Variants in CCT7 observed in about 807,000 individuals in gnomAD.
CCT7 encodes chaperonin containing TCP1 subunit 7, also known as T-complex protein 1 subunit eta.
CCT7 carries 16 observed loss-of-function variants against 56.6 expected under a neutral mutation model. The observed-to-expected ratio is 0.28, with a 90% CI of 0.19 to 0.43. The LOEUF is 0.43. Ranked by LOEUF, CCT7 falls within the 20% of genes least tolerant of loss-of-function variation. The probability of loss-of-function intolerance (pLI) is 1.00; values close to 1 mark genes in which losing one functional copy is unlikely to be tolerated. For synonymous variants in CCT7, 262 were observed against 254.8 expected (o/e 1.03, Z -0.27); for missense variants, 519 against 685.6 (o/e 0.76, Z 2.71).
intron 11 of CCT7, among the ~76,000 whole-genome samples, chr2:73,251,868 G>T (rs569638240): frequency 6.6e-6 from 1 of 152,134 alleles, no homozygotes; most frequent in Admixed American, 6.5e-5. Flanking sequence ...GAACCCAGGA[G>T]GCAGAGCTTG....
intron 2 of CCT7, chr2:73,240,220 A>G (rs1687047963): frequency 5.1e-6 from 2 of 388,410 alleles, no homozygotes; most frequent in South Asian, 1.4e-4. Flanking sequence ...TTGCTCTTCA[A>G]GGAAAATTGG....
intron 7 of CCT7, among the ~76,000 whole-genome samples, chr2:73,248,331 G>A (rs766615094): frequency 6.6e-6 from 1 of 151,168 alleles, no homozygotes; most frequent in Non-Finnish European, 1.5e-5. Context: ...CCACCTTTGA[G>A]CAGTTCTTGG....
chr2:73,252,810 G>A lies in CCT7; in HGVS notation c.1581G>A (p.Val527=), dbSNP rs1558572395. Residue 527 remains valine, a synonymous_variant, in exon 12 of 12, where the codon GTG becomes GTA. Coordinates refer to ENST00000258091, the MANE Select transcript of CCT7 (RefSeq NM_006429.4). ...CCATCAAGAACCCCCGCTCGACTGTGGATGCTCCCACAGCAGCAGGCCGGG... is the reference window on the plus strand; with the variant it reads ...CCATCAAGAACCCCCGCTCGACTGTAGATGCTCCCACAGCAGCAGGCCGGG... ...DETIKNPRST[V]DAPTAAGRGR... 1.2e-6 allele frequency: 2 copies of A among 1,614,106 alleles called. No individual in the cohort carries two copies. Among genetic ancestry groups the A allele is most frequent in the Non-Finnish European group, 1.7e-6 (2 of 1,180,002 alleles).
At chr2:73,242,342 C>T (rs1435787950) in intron 3 of CCT7, among the ~76,000 whole-genome samples, 8 of 151,926 alleles carry the variant, frequency 5.3e-5, no homozygotes, top group Non-Finnish European at 8.8e-5. Flanking sequence ...TGCTGTGGTG[C>T]GATCTTGGCT....
intron 4 of CCT7, chr2:73,243,783 T>C (rs1460542747): frequency 1.7e-6 from 1 of 584,554 alleles, no homozygotes; most frequent in South Asian, 2.1e-5. Context: ...TTCAGAACTG[T>C]ATACCCACTC....
chr2:73,250,490 T>A (rs1469376204), intron 10 of CCT7, 52 bp downstream of exon 10: 1 of 1,600,458 alleles, frequency 6.2e-7, no homozygotes, highest in South Asian at 1.1e-5. Context: ...CCTATCTCCC[T>A]AGCTGATCAG....
At chr2:73,235,540 A>C (rs1231344636) in intron 1 of CCT7, 1 of 1,001,712 alleles carries the variant, frequency 1.0e-6, no homozygotes, top group East Asian at 1.1e-4. Context: ...TCTCCCCTTT[A>C]TGTCTCTAGC....
intron 1 of CCT7, among the ~76,000 whole-genome samples, chr2:73,237,897 T>A (rs926101573): frequency 6.6e-6 from 1 of 152,016 alleles, no homozygotes; most frequent in African/African-American, 2.4e-5. Context: ...AATACAAATT[T>A]AAAAAATTAG....
intron 6 of CCT7, among the ~76,000 whole-genome samples, chr2:73,247,281 G>A (rs1419299619): frequency 6.6e-6 from 1 of 152,172 alleles, no homozygotes; most frequent in Non-Finnish European, 1.5e-5. Context: ...GGGTGTGGGG[G>A]TGGAGGGTGC....
At chr2:73,240,244 G>T in intron 2 of CCT7, 193 bp from the exon 3 acceptor site, 1 of 410,476 alleles carries the variant, frequency 2.4e-6, no homozygotes, top group Non-Finnish European at 4.3e-6. Flanking sequence ...TCTGTGGTCT[G>T]CAAAAGCTTG....
intron 11 of CCT7, among the ~76,000 whole-genome samples, chr2:73,251,798 G>T (rs1687599017): frequency 6.6e-6 from 1 of 152,174 alleles, no homozygotes; most frequent in African/African-American, 2.4e-5. Flanking sequence ...AATTAGCCAG[G>T]CGTGGTGGTG....
intron 10 of CCT7, among the ~76,000 whole-genome samples, chr2:73,250,712 G>C (rs1226649137): frequency 6.6e-6 from 1 of 151,988 alleles, no homozygotes. Flanking sequence ...CGAGATGGGA[G>C]GGTTGCATAA....
Position 73,248,999 on chromosome 2 carries a change from G to A in CCT7, c.792G>A (p.Gln264=). ...EIRVHTVEDY[Q]AIVDAEWNIL... ...TTTCTGGGTCTCTCCAGGATTATCA[G>A]GCAATTGTTGATGCTGAGTGGAACA... The change falls in exon 8 of 12, where the codon CAG becomes CAA. Residue 264 remains glutamine, a synonymous_variant. Coordinates refer to ENST00000258091, the MANE Select transcript of CCT7 (RefSeq NM_006429.4). 6.2e-7 allele frequency: 1 copy of A among 1,612,394 alleles called. No individual in the cohort carries two copies.
At chr2:73,243,224 G>A (rs1030294190) in intron 4 of CCT7, 95 bp downstream of exon 4, 2 of 1,420,272 alleles carry the variant, frequency 1.4e-6, no homozygotes, top group African/African-American at 1.4e-5. Context: ...GAGGGACTGG[G>A]GAACAGGGTA....
chr2:73,242,529 C>T (rs1228168401), intron 3 of CCT7, among the ~76,000 whole-genome samples: 2 of 152,188 alleles, frequency 1.3e-5, no homozygotes, highest in Non-Finnish European at 2.9e-5. Context: ...ATCCACCTGC[C>T]TCAGCCTCCC....
In CCT7 at chr2:73,252,640, G is replaced by T. The variant is rs371504283; in HGVS notation, c.1411G>T (p.Gly471Trp). Residue 471 changes from glycine (G) to tryptophan (W), a missense_variant and splice_region_variant, in exon 12 of 12, where the codon GGG becomes TGG. This residue lies in a region of CCT7 where 237 missense variants were observed against 300.8 expected (regional missense o/e 0.79). Coordinates refer to ENST00000258091, the MANE Select transcript of CCT7 (RefSeq NM_006429.4). The stretch of plus-strand genomic sequence containing the variant: ...CTCCTTTCTTTTCCTACTCTTTTAG[G>T]GGGGTACATGGTATGGAGTAGACAT... ...LNKLRARHAQ[G>W]GTWYGVDINN... 57 of 1,612,144 alleles carry T rather than the reference G, an allele frequency of 3.5e-5. No homozygotes were observed. Among genetic ancestry groups the T allele is most frequent in the Non-Finnish European group, 4.2e-5 (49 of 1,178,272 alleles).
At position 73,252,980 on chromosome 2, in the gene CCT7, C is replaced by A; in HGVS notation, c.*119C>A. On this transcript the variant is annotated 3_prime_UTR_variant, in exon 12 of 12. Transcript: ENST00000258091. ...TGGCCCACTCTCTTCTTACTGGAGGCTATTTAAATAAAATGTAAGACTTCA... is the reference window on the plus strand; with the variant it reads ...TGGCCCACTCTCTTCTTACTGGAGGATATTTAAATAAAATGTAAGACTTCA... 1.5e-6 allele frequency: 1 copy of A among 664,600 alleles called. No individual in the cohort carries two copies. Among genetic ancestry groups the A allele is most frequent in the Non-Finnish European group, 2.6e-6 (1 of 385,360 alleles). 41.2% of individuals were successfully genotyped at this position (664,600 alleles called of 1,614,324 possible). A position where few individuals can be genotyped will look rare whatever the true frequency, so the allele number is the denominator to read the frequency against.
chr2:73,248,913 C>T, intron 7 of CCT7, 78 bp from the exon 8 acceptor site: 1 of 1,122,894 alleles, frequency 8.9e-7, no homozygotes, highest in Non-Finnish European at 1.3e-6. Flanking sequence ...TTGGTGGGGG[C>T]AGATGGGTAT....
At chr2:73,241,435 C>T (rs1305683163) in intron 3 of CCT7, among the ~76,000 whole-genome samples, 1 of 151,666 alleles carries the variant, frequency 6.6e-6, no homozygotes, top group Non-Finnish European at 1.5e-5. Flanking sequence ...TTACCTTACA[C>T]AGTGAACATA....
Sources: gnomAD v4.1 joint callset for allele counts (sites outside exome capture counted in the v4.1 genomes callset) on GRCh38, gnomAD v4.1.1 for gene constraint, gnomAD v4.1.1 regional missense constraint, MANE v1.5 for transcripts, NCBI Gene and HGNC (gene_info 2026-07-23, HGNC 2026-07-21) for gene names.